Variants in CTTN observed in about 807,000 individuals in gnomAD.
CTTN encodes cortactin.
A neutral mutation model predicts 84.0 loss-of-function variants in CTTN; 28 were observed. The observed-to-expected ratio is 0.33, with a 90% CI of 0.25 to 0.46. CTTN has a LOEUF of 0.46. Among genes scored for constraint, CTTN ranks in the 20% least tolerant of loss-of-function variants. CTTN has a pLI of 1.00. For synonymous variants in CTTN, 301 were observed against 288.8 expected (o/e 1.04, Z -0.43); for missense variants, 641 against 723.8 (o/e 0.89, Z 1.31).
chr11:70,403,099 A>G (rs1280765801), intron 1 of CTTN, among the ~76,000 whole-genome samples: 10 of 150,584 alleles, frequency 6.6e-5, no homozygotes, highest in African/African-American at 2.2e-4. Context: ...GGCCATTTGT[A>G]TATCTCCTCT....
At chr11:70,411,076 A>G (rs1030460558) in intron 5 of CTTN, among the ~76,000 whole-genome samples, 16 of 152,222 alleles carry the variant, frequency 1.1e-4, no homozygotes, top group Non-Finnish European at 4.4e-5. Context: ...GACACCGAGA[A>G]GAGCAATGTG....
chr11:70,422,887 C>A, intron 11 of CTTN, 53 bp from the exon 12 acceptor site: 1 of 1,613,148 alleles, frequency 6.2e-7, no homozygotes, highest in South Asian at 1.1e-5. Context: ...CCCACGGCCA[C>A]CCCCATGCTC....
At chr11:70,415,334 T>A (rs2058145619) in intron 6 of CTTN, among the ~76,000 whole-genome samples, 1 of 152,196 alleles carries the variant, frequency 6.6e-6, no homozygotes, top group South Asian at 2.1e-4. Flanking sequence ...ATACTAATGT[T>A]CTCAGCATGA....
chr11:70,429,489 A>G (rs1477043528), intron 14 of CTTN, among the ~76,000 whole-genome samples: 4 of 152,158 alleles, frequency 2.6e-5, no homozygotes, highest in African/African-American at 9.7e-5. Flanking sequence ...AGCTGACGGC[A>G]GAGTCTTGTC....
intron 1 of CTTN, among the ~76,000 whole-genome samples, chr11:70,401,390 C>T (rs1186437742): frequency 2.0e-5 from 3 of 152,032 alleles, no homozygotes; most frequent in Non-Finnish European, 4.4e-5. Flanking sequence ...GCACCAGAAT[C>T]GCTTGAACCT....
At chr11:70,427,454 A>T (rs2058311855) in intron 13 of CTTN, among the ~76,000 whole-genome samples, 2 of 152,238 alleles carry the variant, frequency 1.3e-5, no homozygotes, top group South Asian at 4.1e-4. Flanking sequence ...AAATCTCTTT[A>T]ATAGAAGATG....
intron 12 of CTTN, among the ~76,000 whole-genome samples, chr11:70,424,889 G>A (rs957530211): frequency 2.0e-5 from 3 of 152,278 alleles, no homozygotes; most frequent in South Asian, 4.1e-4. Context: ...AAGAGTCATC[G>A]CCGTCGCTTG....
At chr11:70,399,609 G>A (rs2057952329) in intron 1 of CTTN, among the ~76,000 whole-genome samples, 1 of 152,162 alleles carries the variant, frequency 6.6e-6, no homozygotes, top group Non-Finnish European at 1.5e-5. Flanking sequence ...ACGGTGCTTT[G>A]GGGCTTTCTG....
At chr11:70,407,019 T>C (rs1227231658) in intron 2 of CTTN, among the ~76,000 whole-genome samples, 2 of 152,234 alleles carry the variant, frequency 1.3e-5, no homozygotes, top group East Asian at 1.9e-4. Context: ...ACACGACTTT[T>C]TTATTTTCCA....
chr11:70,413,245 T>TG (rs1179515583), intron 5 of CTTN, among the ~76,000 whole-genome samples: 14 of 152,274 alleles, frequency 9.2e-5, no homozygotes, highest in Admixed American at 2.0e-4. Flanking sequence ...TTAGCATGAG[T>TG]GGCTCCACAT....
At chr11:70,422,084 G>T in intron 11 of CTTN, 1 of 218,194 alleles carries the variant, frequency 4.6e-6, no homozygotes, top group South Asian at 7.4e-5. Context: ...TTTTTGGCCG[G>T]GGTTGGGAGG....
chr11:70,412,944 T>C (rs956377795), intron 5 of CTTN, among the ~76,000 whole-genome samples: 1 of 152,224 alleles, frequency 6.6e-6, no homozygotes, highest in Non-Finnish European at 1.5e-5. Flanking sequence ...TGAAAACTCA[T>C]GCTGGGGAAT....
intron 1 of CTTN, among the ~76,000 whole-genome samples, chr11:70,402,279 C>G (rs1363910538): frequency 1.3e-5 from 2 of 152,214 alleles, no homozygotes; most frequent in African/African-American, 2.4e-5. Flanking sequence ...TGAGGATGGA[C>G]AGAGTCATTA....
chr11:70,415,608 A>C, intron 6 of CTTN, 55 bp from the exon 7 acceptor site: 1 of 1,414,158 alleles, frequency 7.1e-7, no homozygotes, highest in Non-Finnish European at 1.0e-6. Context: ...AGATTGTTTC[A>C]GGGACATTGG....
chr11:70,404,842 A>G (rs2058024532), intron 1 of CTTN, among the ~76,000 whole-genome samples: 2 of 152,258 alleles, frequency 1.3e-5, no homozygotes, highest in African/African-American at 4.8e-5. Flanking sequence ...GTCTGTACTA[A>G]AAATAGAAAA....
chr11:70,421,373 G>A (rs900777324), intron 10 of CTTN, 97 bp from the exon 11 acceptor site: 6 of 888,926 alleles, frequency 6.7e-6, no homozygotes, highest in Non-Finnish European at 9.4e-6. Context: ...TTGCTTTCTG[G>A]AAACTGTGTT....
At chr11:70,429,272 C>T (rs1441213551) in intron 14 of CTTN, 73 bp downstream of exon 14, 3 of 1,516,090 alleles carry the variant, frequency 2.0e-6, no homozygotes, top group Non-Finnish European at 2.7e-6. Flanking sequence ...GCTCTGGGGC[C>T]TGGGCGGGGC....
At chr11:70,415,583 G>T in intron 6 of CTTN, 80 bp from the exon 7 acceptor site, 1 of 1,264,428 alleles carries the variant, frequency 7.9e-7, no homozygotes, top group Non-Finnish European at 1.2e-6. Flanking sequence ...TAAATGTCAT[G>T]TCATGAATTC....
intron 17 of CTTN, 123 bp from the exon 18 acceptor site, chr11:70,434,903 C>T (rs1286405894): frequency 1.1e-5 from 11 of 1,033,102 alleles, no homozygotes; most frequent in South Asian, 2.6e-5. Flanking sequence ...CGCGGTGGTC[C>T]GCATCTCTGC....
Sources: gnomAD v4.1 joint callset for allele counts (sites outside exome capture counted in the v4.1 genomes callset) on GRCh38, gnomAD v4.1.1 for gene constraint, MANE v1.5 for transcripts, NCBI Gene and HGNC (gene_info 2026-07-23, HGNC 2026-07-21) for gene names.